CUX2: variants seen among roughly 807,000 people sequenced by gnomAD.
CUX2 encodes the protein cut like homeobox 2.
Under a neutral mutation model 144.8 loss-of-function variants are expected in CUX2, and 40 were observed. The observed-to-expected ratio is 0.28, with a 90% CI of 0.21 to 0.36. The LOEUF (loss-of-function observed/expected upper bound fraction) is 0.36. Ranked by LOEUF, CUX2 falls within the 10% of genes least tolerant of loss-of-function variation. The pLI, the probability that CUX2 is intolerant of heterozygous loss-of-function variation, is 1.00. For missense variants in CUX2, 1,615 were observed against 1,994.0 expected, an observed-to-expected ratio of 0.81 and a Z score of 3.62; for synonymous variants, 827 against 875.6, an observed-to-expected ratio of 0.94 and a Z score of 0.98.
At chr12:111,230,782 T>C (rs1423832341) in intron 3 of CUX2, among the ~76,000 whole-genome samples, 2 of 152,186 alleles carry the variant, frequency 1.3e-5, no homozygotes, top group African/African-American at 4.8e-5. Flanking sequence ...ACTAGCTGGC[T>C]GGGAGGAGCC....
chr12:111,210,201 C>T (rs980950363), intron 1 of CUX2, among the ~76,000 whole-genome samples: 8 of 152,178 alleles, frequency 5.3e-5, no homozygotes, highest in African/African-American at 1.9e-4. Context: ...TTTTTCCATT[C>T]CTTCAAAATA....
intron 18 of CUX2, among the ~76,000 whole-genome samples, chr12:111,330,190 A>G (rs61507607): frequency 0.27 from 40,771 of 152,012 alleles, 8,183 homozygotes; most frequent in African/African-American, 0.57. Context: ...ACAAAGGGCC[A>G]TGATGCTGCT....
At chr12:111,223,875 G>A (rs573401842) in intron 3 of CUX2, among the ~76,000 whole-genome samples, 30 of 152,270 alleles carry the variant, frequency 2.0e-4, no homozygotes, top group African/African-American at 4.3e-4. Context: ...CCTTTCAAAT[G>A]TCAGGTCCTG....
rs1439998059 is a variant in CUX2 at position 111,320,767 on chromosome 12, G to A, written c.2758G>A (p.Gly920Arg). 6.4e-7 allele frequency: 1 copy of A among 1,561,982 alleles called. No homozygotes were observed. Among genetic ancestry groups the A allele is most frequent in the Non-Finnish European group, 8.6e-7 (1 of 1,159,818 alleles). Residue 920 changes from glycine to arginine, a missense_variant, in exon 17 of 22, where the codon GGG (glycine) becomes AGG (arginine). Around this residue, in one of 12 missense-constraint regions of CUX2, gnomAD observed 17 missense variants for 68.7 expected, o/e 0.25. Coordinates refer to ENST00000261726, the MANE Select transcript of CUX2 (RefSeq NM_015267.4). This position sits in a 1 kb window ranked among gnomAD's most constrained non-coding sequence, Gnocchi z 8.1. ...GAACGGCATCTGCCAGAGGATCTTC[G>A]GGGAGAAGGTGAGTGCAGGGCGGGC... ...AKNGICQRIF[G>R]EKVLGLSQGS...
At chr12:111,189,518 T>A (rs1879750658) in intron 1 of CUX2, among the ~76,000 whole-genome samples, 1 of 152,268 alleles carries the variant, frequency 6.6e-6, no homozygotes. Flanking sequence ...TTTGTTGTGG[T>A]AGTTGATTCA....
intron 1 of CUX2, among the ~76,000 whole-genome samples, chr12:111,203,524 G>A: frequency 6.8e-6 from 1 of 146,976 alleles, no homozygotes; most frequent in African/African-American, 2.5e-5. Context: ...CAGCCTGGGT[G>A]ACAGAGCAAG....
intron 5 of CUX2, among the ~76,000 whole-genome samples, chr12:111,292,267 T>G (rs374673234): frequency 6.6e-6 from 1 of 152,248 alleles, no homozygotes; most frequent in Non-Finnish European, 1.5e-5. Flanking sequence ...AAAGAAGCAC[T>G]GATCCATGCT....
At chr12:111,323,699 G>C (rs974549167) in intron 18 of CUX2, among the ~76,000 whole-genome samples, 8 of 152,094 alleles carry the variant, frequency 5.3e-5, no homozygotes, top group African/African-American at 1.9e-4. Context: ...TGAGGCAGGA[G>C]GATCACTTGA....
At chr12:111,325,273 G>A (rs373993847) in intron 18 of CUX2, among the ~76,000 whole-genome samples, 43 of 149,928 alleles carry the variant, frequency 2.9e-4, no homozygotes, top group African/African-American at 9.9e-4. Context: ...CAGCCTGGGC[G>A]ACAGAGCGAG....
intron 1 of CUX2, among the ~76,000 whole-genome samples, chr12:111,161,768 TG>T (rs1353481540): frequency 6.6e-6 from 1 of 152,204 alleles, no homozygotes; most frequent in Non-Finnish European, 1.5e-5. Context: ...AGGGTCTCAC[TG>T]TGTCACCCAG....
At chr12:111,091,903 C>T (rs1872579859) in intron 1 of CUX2, among the ~76,000 whole-genome samples, 1 of 152,202 alleles carries the variant, frequency 6.6e-6, no homozygotes, top group South Asian at 2.1e-4. Flanking sequence ...ACAAGGGTCG[C>T]TAGATTTAGG....
chr12:111,194,693 G>T (rs1880126950), intron 1 of CUX2, among the ~76,000 whole-genome samples: 1 of 152,236 alleles, frequency 6.6e-6, no homozygotes, highest in East Asian at 1.9e-4. Flanking sequence ...GCCCCAGGAG[G>T]TCAACTGGGA....
chr12:111,318,251 T>TC (rs1887299417), intron 16 of CUX2, among the ~76,000 whole-genome samples: 3 of 148,822 alleles, frequency 2.0e-5, no homozygotes, highest in South Asian at 2.1e-4. Flanking sequence ...TTTTCTTTTT[T>TC]TTTTTTTTTT....
intron 1 of CUX2, among the ~76,000 whole-genome samples, chr12:111,168,632 T>C (rs1878311617): frequency 6.6e-6 from 1 of 152,216 alleles, no homozygotes; most frequent in Admixed American, 6.5e-5. Context: ...AGTCGCATTG[T>C]GTTAGTGACT....
intron 1 of CUX2, among the ~76,000 whole-genome samples, chr12:111,212,213 T>C (rs967358563): frequency 2.0e-5 from 3 of 152,314 alleles, no homozygotes; most frequent in Admixed American, 6.5e-5. Context: ...CTGTGATTAG[T>C]TTTAAGTGAT....
Position 111,295,355 on chromosome 12 carries a change from A to G in CUX2, c.583A>G (p.Thr195Ala). 1.2e-6 allele frequency: 2 copies of G among 1,613,200 alleles called. No individual in the cohort carries two copies. Among genetic ancestry groups the G allele is most frequent in the Non-Finnish European group, 8.5e-7 (1 of 1,179,674 alleles). The change falls in exon 7 of 22, where the codon ACT becomes GCT. Residue 195 changes from threonine to alanine, a missense_variant. Around this residue, in one of 12 missense-constraint regions of CUX2, gnomAD observed 295 missense variants for 400.2 expected, o/e 0.74. Coordinates refer to ENST00000261726, the MANE Select transcript of CUX2 (RefSeq NM_015267.4). The surrounding 1 kb of genome is among the most constrained non-coding windows in gnomAD (Gnocchi z 5.0). Reference protein sequence around the residue: ...KQKGLQEVQITLAARLGEAEE... With the variant: ...KQKGLQEVQIALAARLGEAEE... Reference sequence around the variant, plus strand: ...CAGGGGCCTTCAAGAAGTACAGATCACTTTGGCGGCCAGACTGGGGGAGGC... The same window carrying G: ...CAGGGGCCTTCAAGAAGTACAGATCGCTTTGGCGGCCAGACTGGGGGAGGC...
In CUX2 at chr12:111,320,252, A is replaced by G; in HGVS notation, c.2243A>G (p.Glu748Gly). Reference protein sequence around the residue: ...QNGAPALVKQEEGSGGPAQAP... With the variant: ...QNGAPALVKQGEGSGGPAQAP... ...GGGGCCCCGGCCTTGGTGAAGCAGG[A>G]GGAGGGCAGCGGGGGCCCCGCGCAG... Residue 748 changes from glutamate to glycine, a missense_variant, in exon 17 of 22, where the codon GAG (glutamate) becomes GGG (glycine). Glu to Gly is a moderately conservative substitution (Grantham distance 98, BLOSUM62 -2). Coordinates refer to ENST00000261726, the MANE Select transcript of CUX2 (RefSeq NM_015267.4). This position sits in a 1 kb window ranked among gnomAD's most constrained non-coding sequence, Gnocchi z 8.1. The G allele has an allele frequency of 6.3e-7, 1 of 1,587,072 alleles. No individual in the cohort carries two copies. The highest frequency in any genetic ancestry group is 8.5e-7 in the Non-Finnish European group (1 of 1,174,322).
Position 111,312,185 on chromosome 12 carries a change from C to G in CUX2, c.1986C>G (p.Ile662Met), listed in dbSNP as rs891516606. The change falls in exon 16 of 22, where the codon ATC (isoleucine) becomes ATG (methionine). Residue 662 changes from isoleucine to methionine, a missense_variant. Ile to Met is a conservative substitution (Grantham distance 10, BLOSUM62 1). Transcript: ENST00000261726. The surrounding 1 kb of genome is among the most constrained non-coding windows in gnomAD (Gnocchi z 4.3). ...TTCTAGAGCAGGCCAAGAAGGAGAT[C>G]GAGTCGCAGAAGGGCGGTGAGTGTG... ...KSILEQAKKE[I>M]ESQKGGEPKT... The G allele has an allele frequency of 6.2e-6, 10 of 1,608,648 alleles. No homozygotes were observed. The highest frequency in any genetic ancestry group is 1.7e-5 in the Admixed American group (1 of 59,752).
chr12:111,254,794 C>T (rs1354062725), intron 3 of CUX2, among the ~76,000 whole-genome samples: 1 of 152,184 alleles, frequency 6.6e-6, no homozygotes, highest in East Asian at 1.9e-4. Context: ...TCTGAGAAGG[C>T]AAAACAATGA....
Sources: gnomAD v4.1 joint callset for allele counts (sites outside exome capture counted in the v4.1 genomes callset) on GRCh38, gnomAD v4.1.1 for gene constraint, gnomAD v4.1.1 regional missense constraint, Gnocchi (gnomAD v3.1) non-coding constraint, MANE v1.5 for transcripts, NCBI Gene and HGNC (gene_info 2026-07-23, HGNC 2026-07-21) for gene names.